BRCA2: variants seen among roughly 807,000 people sequenced by gnomAD.
The protein encoded by BRCA2 is breast cancer type 2 susceptibility protein.
BRCA2 carries 203 observed loss-of-function variants against 276.7 expected under a neutral mutation model. The ratio of observed to expected loss-of-function variants is 0.73; its 90% confidence interval spans 0.65 to 0.82. The LOEUF (loss-of-function observed/expected upper bound fraction) is 0.82. Ranked by LOEUF, BRCA2 falls within the 40% of genes least tolerant of loss-of-function variation. The pLI, the probability that BRCA2 is intolerant of heterozygous loss-of-function variation, is 0.00. For synonymous variants in BRCA2, 1,289 were observed against 1,338.4 expected (o/e 0.96, Z 0.81); for missense variants, 3,920 against 3,915.0 (o/e 1.00, Z -0.03).
chr13:32,369,766 G>T (rs2072814650), intron 18 of BRCA2, among the ~76,000 whole-genome samples: 1 of 152,112 alleles, frequency 6.6e-6, no homozygotes, highest in Admixed American at 6.5e-5. Flanking sequence ...TAGAGACGGG[G>T]TTTCACCATG....
At position 32,336,952 on chromosome 13, in the gene BRCA2, A is replaced by T. The variant is rs1555282752; in HGVS notation, c.2597A>T (p.Glu866Val). The change falls in exon 11 of 27, where the codon GAA (glutamate) becomes GTA (valine). Residue 866 changes from glutamate to valine, a missense_variant. By Grantham distance (121) the Glu-to-Val change is moderately radical. This residue lies in a region of BRCA2 where 3,263 missense variants were observed against 3,156.9 expected (regional missense o/e 1.03). Transcript: ENST00000380152. ...AGAGTAATCCAAAAAAATCAAGAAG[A>T]AACTACTTCAATTTCAAAAATAACT... ...NLRVIQKNQE[E>V]TTSISKITVN... The T allele has an allele frequency of 6.3e-7, 1 of 1,585,720 alleles. No individual in the cohort carries two copies. The highest frequency in any genetic ancestry group is 1.2e-5 in the South Asian group (1 of 84,598).
At position 32,340,379 on chromosome 13, in the gene BRCA2, G is replaced by C. The variant is rs56324666; in HGVS notation, c.6024G>C (p.Lys2008Asn). ...QVFSEIEDSTKQVFSKVLFKS... is the reference protein window; with the variant it reads ...QVFSEIEDSTNQVFSKVLFKS... ...TTTCTGAAATAGAAGATAGTACCAA[G>C]CAAGTCTTTTCCAAAGTATTGTTTA... is the stretch of plus-strand genomic sequence containing the variant. Residue 2008 changes from lysine (K) to asparagine (N), a missense_variant, in exon 11 of 27, where the codon AAG (lysine) becomes AAC (asparagine). Physicochemically the swap from Lys to Asn is moderately conservative, Grantham distance 94 (BLOSUM62 0). This residue lies in a region of BRCA2 where 3,263 missense variants were observed against 3,156.9 expected (regional missense o/e 1.03). Transcript: ENST00000380152. The C allele has an allele frequency of 7.4e-6, 12 of 1,613,758 alleles. No individual in the cohort carries two copies. The African/African-American group carries it at 1.6e-4, about 22-fold the overall frequency.
chr13:32,320,545 C>T (rs78991603), intron 3 of BRCA2, among the ~76,000 whole-genome samples: 4 of 152,318 alleles, frequency 2.6e-5, no homozygotes, highest in East Asian at 1.9e-4. Context: ...TTTGCGTGCT[C>T]GTCTTTCAGA....
rs80358976 is a variant in BRCA2 at position 32,356,491 on chromosome 13, G to A, written c.7499G>A (p.Arg2500Lys). 6 of 1,614,188 alleles carry A rather than the reference G, an allele frequency of 3.7e-6. No homozygotes were observed. The highest frequency in any genetic ancestry group is 2.7e-5 in the African/African-American group (2 of 75,062). Reference sequence around the variant, plus strand: ...GATATGCGAATTAAGAAGAAACAAAGGCAACGCGTCTTTCCACAGCCAGGC... The same window carrying A: ...GATATGCGAATTAAGAAGAAACAAAAGCAACGCGTCTTTCCACAGCCAGGC... Reference protein sequence around the residue: ...IQDMRIKKKQRQRVFPQPGSL... With the variant: ...IQDMRIKKKQKQRVFPQPGSL... Residue 2500 changes from arginine (R) to lysine (K), a missense_variant, in exon 15 of 27, where the codon AGG (arginine) becomes AAG (lysine). Physicochemically the swap from Arg to Lys is conservative, Grantham distance 26 (BLOSUM62 2). Coordinates refer to ENST00000380152, the MANE Select transcript of BRCA2 (RefSeq NM_000059.4).
At chr13:32,370,075 T>C (rs2072816628) in intron 18 of BRCA2, among the ~76,000 whole-genome samples, 1 of 152,208 alleles carries the variant, frequency 6.6e-6, no homozygotes, top group Non-Finnish European at 1.5e-5. Context: ...TCCATGTAGA[T>C]TTTTTGAGGA....
intron 18 of BRCA2, 105 bp downstream of exon 18, chr13:32,363,638 A>G (rs1215625796): frequency 2.9e-6 from 3 of 1,045,928 alleles, no homozygotes; most frequent in Non-Finnish European, 4.2e-6. Context: ...TCAATTTCTT[A>G]GATGTACTGA....
chr13:32,326,419 AATAAAGAG>A, intron 6 of BRCA2, 72 bp from the exon 7 acceptor site: 1 of 1,446,108 alleles, frequency 6.9e-7, no homozygotes. Flanking sequence ...CGTTAAGTGA[AATAAAGAG>A]TGAATGAAAA....
chr13:32,353,709 T>C (rs2072667709), intron 13 of BRCA2, among the ~76,000 whole-genome samples: 1 of 152,220 alleles, frequency 6.6e-6, no homozygotes, highest in Non-Finnish European at 1.5e-5. Flanking sequence ...AAATAGTTGA[T>C]GGATGGGCGA....
chr13:32,337,144 A>G lies in BRCA2; in HGVS notation c.2789A>G (p.Tyr930Cys), dbSNP rs431825299. The G allele has an allele frequency of 4.3e-6, 7 of 1,613,940 alleles. No homozygotes were observed. The South Asian group carries it at 6.6e-5, about 15-fold the overall frequency. ...PIFKNSTMVL[Y>C]GDTGDKQATQ... ...TTCAAGAACTCTACCATGGTTTTAT[A>G]TGGAGACACAGGTGATAAACAAGCA... Residue 930 changes from tyrosine (Y) to cysteine (C), a missense_variant, in exon 11 of 27, where the codon TAT becomes TGT. Tyr to Cys is a radical substitution (Grantham distance 194). Coordinates refer to ENST00000380152, the MANE Select transcript of BRCA2 (RefSeq NM_000059.4).
At position 32,340,564 on chromosome 13, in the gene BRCA2, A is replaced by G. The variant is rs1064793809; in HGVS notation, c.6209A>G (p.Glu2070Gly). 1 of 1,612,618 alleles carries G rather than the reference A, an allele frequency of 6.2e-7. No individual in the cohort carries two copies. Among genetic ancestry groups the G allele is most frequent in the African/African-American group, 1.3e-5 (1 of 74,948 alleles). The change falls in exon 11 of 27, where the codon GAA becomes GGA. Residue 2070 changes from glutamate (E) to glycine (G), a missense_variant. By Grantham distance (98) the Glu-to-Gly change is moderately conservative (BLOSUM62 -2). Coordinates refer to ENST00000380152, the MANE Select transcript of BRCA2 (RefSeq NM_000059.4). ...TASGKQVSIL[E>G]SSLHKVKGVL... ...AGTGGAAAGCAAGTTTCCATTTTAGAAAGTTCCTTACACAAAGTTAAGGGA... is the reference window on the plus strand; with the variant it reads ...AGTGGAAAGCAAGTTTCCATTTTAGGAAGTTCCTTACACAAAGTTAAGGGA...
In BRCA2 at chr13:32,336,902, A is replaced by G. The variant is rs1321983932; in HGVS notation, c.2547A>G (p.Val849=). The change falls in exon 11 of 27, where the codon GTA becomes GTG. Residue 849 remains valine (V), a synonymous_variant. Coordinates refer to ENST00000380152, the MANE Select transcript of BRCA2 (RefSeq NM_000059.4). ...YMRVASPSRK[V]QFNQNTNLRV... is the part of the protein sequence containing the mutation. ...GAGTAGCATCACCTTCAAGAAAGGT[A>G]CAATTCAACCAAAACACAAATCTAA... 1.2e-6 allele frequency: 2 copies of G among 1,608,712 alleles called. No homozygotes were observed. The highest frequency in any genetic ancestry group is 3.4e-5 in the Admixed American group (2 of 58,718).
Position 32,330,920 on chromosome 13 carries a change from A to G in BRCA2, c.683A>G (p.Asn228Ser), listed in dbSNP as rs398122566. 6.3e-7 allele frequency: 1 copy of G among 1,593,802 alleles called. No individual in the cohort carries two copies. The highest frequency in any genetic ancestry group is 1.7e-4 in the Middle Eastern group (1 of 6,020). The change falls in exon 9 of 27, where the codon AAT (asparagine) becomes AGT (serine). Residue 228 changes from asparagine to serine, a missense_variant and splice_region_variant. Asn to Ser is a conservative substitution (Grantham distance 46). Around this residue, in one of 2 missense-constraint regions of BRCA2, gnomAD observed 3,263 missense variants for 3,156.9 expected, o/e 1.03. Coordinates refer to ENST00000380152, the MANE Select transcript of BRCA2 (RefSeq NM_000059.4). ...GATTTTAAACTATAATTTTTGCAGA[A>G]TGTGAAAAGCTATTTTTCCAATCAT... ...ETVFPHDTTA[N>S]VKSYFSNHDE...
chr13:32,394,551 C>T, intron 24 of BRCA2, 138 bp from the exon 25 acceptor site: 2 of 1,146,580 alleles, frequency 1.7e-6, no homozygotes, highest in Non-Finnish European at 2.4e-6. Flanking sequence ...TGAGCTTTCG[C>T]CAAATTCAGC....
intron 25 of BRCA2, chr13:32,396,131 G>A (rs559958766): frequency 3.1e-4 from 54 of 174,922 alleles, no homozygotes; most frequent in Admixed American, 1.1e-3. Context: ...GTGCCACCAC[G>A]CCCAGCTAAT....
Position 32,337,618 on chromosome 13 carries a change from C to CT in BRCA2, c.3264dup (p.Gln1089SerfsTer10), listed in dbSNP as rs80359380. 8 of 1,590,156 alleles carry CT rather than the reference C, an allele frequency of 5.0e-6. No homozygotes were observed. The Admixed American group carries it at 1.3e-4, about 25-fold the overall frequency. On this transcript the variant is annotated frameshift_variant, in exon 11 of 27. Transcript: ENST00000380152. LOFTEE classifies it high-confidence loss of function. Reference sequence around the variant, plus strand: ...GATTGTAAAAATAGTCATATAACCCCTCAGATGTTATTTTCCAAGCAGGAT... The same window carrying CT: ...GATTGTAAAAATAGTCATATAACCCCTTCAGATGTTATTTTCCAAGCAGGAT...
chr13:32,358,274 G>T (rs545418825), intron 16 of BRCA2, among the ~76,000 whole-genome samples: 1 of 151,844 alleles, frequency 6.6e-6, no homozygotes, highest in East Asian at 1.9e-4. Context: ...TCAGGAGTTC[G>T]AGACCAGCCT....
intron 3 of BRCA2, among the ~76,000 whole-genome samples, chr13:32,323,917 T>G (rs1403695745): frequency 1.3e-5 from 2 of 152,240 alleles, no homozygotes; most frequent in African/African-American, 4.8e-5. Flanking sequence ...GGATTTCATA[T>G]TGTTAAAGCC....
chr13:32,335,943 G>A (rs1297719350), intron 10 of BRCA2, among the ~76,000 whole-genome samples: 2 of 152,036 alleles, frequency 1.3e-5, no homozygotes, highest in Admixed American at 1.3e-4. Flanking sequence ...GTGCACTAGT[G>A]TGATCTCAGC....
chr13:32,362,089 C>A (rs1346231853), intron 16 of BRCA2, among the ~76,000 whole-genome samples: 2 of 152,158 alleles, frequency 1.3e-5, no homozygotes, highest in Non-Finnish European at 2.9e-5. Flanking sequence ...GTGGCACTAT[C>A]ATGGCTCACT....
Sources: allele counts gnomAD v4.1 joint callset (sites outside exome capture counted in the v4.1 genomes callset), GRCh38; gene constraint gnomAD v4.1.1; regional missense constraint gnomAD v4.1.1; transcripts MANE v1.5; gene names NCBI Gene and HGNC (gene_info 2026-07-23, HGNC 2026-07-21).